The following FAM177A1 variants were observed in gnomAD, a reference collection of about 807,000 sequenced individuals.
The protein encoded by FAM177A1 is protein FAM177A1.
Under a neutral mutation model 26.1 loss-of-function variants are expected in FAM177A1, and 22 were observed. The ratio of observed to expected loss-of-function variants is 0.84; its 90% confidence interval spans 0.60 to 1.20. The LOEUF is 1.20. FAM177A1 is among the 50% of genes most tolerant of loss of function. The pLI is 0.00. For missense variants in FAM177A1, 296 were observed against 291.1 expected (o/e 1.02, Z -0.12); for synonymous variants, 95 against 99.3 (o/e 0.96, Z 0.26).
chr14:35,081,071 A>C lies in FAM177A1; in HGVS notation c.554A>C (p.Gln185Pro), dbSNP rs1566677183. The C allele has an allele frequency of 6.2e-7, 1 of 1,613,122 alleles. No homozygotes were observed. The highest frequency in any genetic ancestry group is 8.5e-7 in the Non-Finnish European group (1 of 1,179,662). ...AGGATGTCTGAAGAAGCAGAAAAAC[A>C]ATATCAACAGAATAAATTGCAGACT... ...ENRMSEEAEK[Q>P]YQQNKLQTDS... is the part of the protein sequence containing the mutation. Residue 185 changes from glutamine to proline, a missense_variant, in exon 5 of 5, where the codon CAA becomes CCA. By Grantham distance (76) the Gln-to-Pro change is moderately conservative. Transcript: ENST00000280987.
In FAM177A1 at chr14:35,046,357, C is replaced by T. The variant is rs1351027725; in HGVS notation, c.-107C>T. On this transcript the variant is annotated 5_prime_UTR_variant, in exon 1 of 5. Coordinates refer to ENST00000280987, the MANE Select transcript of FAM177A1 (RefSeq NM_173607.5). ...GGCCCCGCCCCTCAGGCCGGCGAGT[C>T]CCCTTCTCAGAGACTTGGCTAGGCG... 44 of 1,297,100 alleles carry T rather than the reference C, an allele frequency of 3.4e-5. No individual in the cohort carries two copies. In the South Asian group the frequency reaches 5.7e-4, roughly 17 times the overall value. 80.3% of individuals were successfully genotyped at this position (1,297,100 alleles called of 1,614,324 possible).
intron 2 of FAM177A1, among the ~76,000 whole-genome samples, chr14:35,064,358 G>C (rs2045207145): frequency 6.6e-6 from 1 of 152,174 alleles, no homozygotes; most frequent in Non-Finnish European, 1.5e-5. Flanking sequence ...CTGCACTCCA[G>C]CCTGGGCAAC....
intron 1 of FAM177A1, chr14:35,047,025 T>G (rs2044879188): frequency 3.0e-6 from 3 of 1,011,628 alleles, no homozygotes; most frequent in Non-Finnish European, 3.5e-6. Context: ...GCCCTTTGCT[T>G]GGCATATGCC....
intron 2 of FAM177A1, among the ~76,000 whole-genome samples, chr14:35,061,081 A>G (rs1273077892): frequency 7.5e-6 from 1 of 132,674 alleles, no homozygotes; most frequent in Non-Finnish European, 1.6e-5. Context: ...TATATAGGAA[A>G]AAACAGTATA....
At chr14:35,046,883 A>G in intron 1 of FAM177A1, 1 of 1,302,722 alleles carries the variant, frequency 7.7e-7, no homozygotes, top group Non-Finnish European at 9.8e-7. Context: ...GTGATAGTCC[A>G]GCTTCTGGTC....
intron 2 of FAM177A1, among the ~76,000 whole-genome samples, chr14:35,075,047 C>T (rs990809161): frequency 1.3e-5 from 2 of 152,032 alleles, no homozygotes; most frequent in African/African-American, 2.4e-5. Context: ...AAAAAAAACT[C>T]CAGAAAACAA....
intron 2 of FAM177A1, among the ~76,000 whole-genome samples, chr14:35,063,277 T>C (rs1288396818): frequency 6.7e-6 from 1 of 149,574 alleles, no homozygotes; most frequent in Non-Finnish European, 1.5e-5. Context: ...TTTAAAATTA[T>C]ATTTTCCCTT....
At chr14:35,078,776 G>A in intron 3 of FAM177A1, 151 bp from the exon 4 acceptor site, 2 of 509,682 alleles carry the variant, frequency 3.9e-6, no homozygotes, top group Non-Finnish European at 6.5e-6. Flanking sequence ...GAAAATCAGG[G>A]AAGATATACA....
At chr14:35,077,263 C>A in intron 3 of FAM177A1, 47 bp downstream of exon 3, 1 of 1,541,530 alleles carries the variant, frequency 6.5e-7, no homozygotes, top group Non-Finnish European at 9.0e-7. Context: ...TAACATGCTT[C>A]AGCAACAGGA....
intron 2 of FAM177A1, among the ~76,000 whole-genome samples, chr14:35,066,847 G>T (rs922032724): frequency 6.6e-6 from 1 of 151,192 alleles, no homozygotes; most frequent in Non-Finnish European, 1.5e-5. Context: ...AAGCTGGAGC[G>T]CAATGGCACA....
chr14:35,047,971 C>T (rs2139053677), intron 1 of FAM177A1, among the ~76,000 whole-genome samples: 1 of 152,236 alleles, frequency 6.6e-6, no homozygotes, highest in East Asian at 1.9e-4. Flanking sequence ...AAAAGCTTAT[C>T]CAGCCTGGGC....
At chr14:35,069,588 T>C (rs34349910) in intron 2 of FAM177A1, among the ~76,000 whole-genome samples, 4,025 of 152,026 alleles carry the variant, frequency 0.026, 77 homozygotes, top group South Asian at 0.034. Flanking sequence ...CCTGGCCCCA[T>C]TGGAGTACTT....
chr14:35,053,686 G>A (rs147811827), intron 2 of FAM177A1, among the ~76,000 whole-genome samples: 236 of 152,196 alleles, frequency 1.6e-3, no homozygotes, highest in African/African-American at 5.4e-3. Flanking sequence ...TACTGTGTTA[G>A]TATGGATAGA....
At chr14:35,051,447 C>A (rs965727600) in intron 1 of FAM177A1, among the ~76,000 whole-genome samples, 1 of 151,908 alleles carries the variant, frequency 6.6e-6, no homozygotes, top group African/African-American at 2.4e-5. Flanking sequence ...CAGTCTGGCT[C>A]TGTTGCCCAG....
chr14:35,057,917 C>T (rs567508163), intron 2 of FAM177A1, among the ~76,000 whole-genome samples: 17 of 152,064 alleles, frequency 1.1e-4, no homozygotes, highest in South Asian at 2.1e-4. Flanking sequence ...TGTCTTAGAA[C>T]GTTCCATATG....
chr14:35,077,869 G>T (rs1308338507), intron 3 of FAM177A1, among the ~76,000 whole-genome samples: 1 of 152,082 alleles, frequency 6.6e-6, no homozygotes, highest in African/African-American at 2.4e-5. Flanking sequence ...CTGTCTCACT[G>T]CTTATTCTAA....
intron 2 of FAM177A1, 27 bp downstream of exon 2, chr14:35,053,478 C>T: frequency 6.2e-7 from 1 of 1,606,824 alleles, no homozygotes. Context: ...TGATTCTTTC[C>T]TCAGTGGGCT....
At chr14:35,067,644 C>A (rs2045259392) in intron 2 of FAM177A1, among the ~76,000 whole-genome samples, 2 of 152,300 alleles carry the variant, frequency 1.3e-5, no homozygotes, top group Admixed American at 6.5e-5. Context: ...GCATTCCCAC[C>A]AAGTGCACCT....
At chr14:35,051,712 C>T (rs1315035923) in intron 1 of FAM177A1, among the ~76,000 whole-genome samples, 1 of 152,106 alleles carries the variant, frequency 6.6e-6, no homozygotes, top group Non-Finnish European at 1.5e-5. Flanking sequence ...CACGGCTGGC[C>T]TGTTACCAAA....
Sources: allele counts gnomAD v4.1 joint callset (sites outside exome capture counted in the v4.1 genomes callset), GRCh38; gene constraint gnomAD v4.1.1; transcripts MANE v1.5; gene names NCBI Gene and HGNC (gene_info 2026-07-23, HGNC 2026-07-21).